ALG13: variants seen among roughly 807,000 people sequenced by gnomAD.
ALG13 encodes the protein ALG13 UDP-N-acetylglucosaminyltransferase subunit, also known as UDP-N-acetylglucosamine transferase subunit ALG13.
In ALG13, 11 loss-of-function variants were observed where a neutral mutation model predicts 87.8. That is an observed-to-expected ratio of 0.13 (90% CI 0.08 to 0.21). The LOEUF is 0.21. Ranked by LOEUF, ALG13 falls within the 10% of genes least tolerant of loss-of-function variation. The probability of loss-of-function intolerance (pLI) is 1.00; values close to 1 mark genes in which losing one functional copy is unlikely to be tolerated. For synonymous variants in ALG13, 320 were observed against 306.3 expected, an observed-to-expected ratio of 1.04 and a Z score of -0.47; for missense variants, 756 against 866.1, an observed-to-expected ratio of 0.87 and a Z score of 1.60.
intron 2 of ALG13, among the ~76,000 whole-genome samples, chrX:111,683,868 A>C (rs1430534858): frequency 9.0e-6 from 1 of 111,698 alleles, no homozygotes; most frequent in Non-Finnish European, 1.9e-5. Context: ...GTTTTTCATT[A>C]TTGATGCCTG....
At chrX:111,712,433 C>T in intron 6 of ALG13, 51 bp from the exon 7 acceptor site, 1 of 879,176 alleles carries the variant, frequency 1.1e-6, no homozygotes, top group Non-Finnish European at 1.6e-6. Flanking sequence ...GAAAAAACTA[C>T]CTCCTAGCTA....
chrX:111,757,934 C>T (rs1476120462), intron 26 of ALG13, among the ~76,000 whole-genome samples, 172 bp downstream of exon 26: 1 of 111,601 alleles, frequency 9.0e-6, no homozygotes, highest in Non-Finnish European at 1.9e-5. Context: ...TTCATGAGGT[C>T]AGAAGTGTTC....
rs749060286 is a variant in ALG13 at position 111,750,065 on chromosome X, C to G, written c.2933-2725C>G. Among the ~76,000 whole-genome samples, 40 of 111,933 alleles carry G rather than the reference C, an allele frequency of 3.6e-4. No homozygotes were observed. The South Asian group carries it at 0.014, about 39-fold the overall frequency. Reference sequence around the variant, plus strand: ...TTTATGACTTTCCACAATCTAGTCTCTATTCCAACCTTATCTCTTTCTACT... The same window carrying G: ...TTTATGACTTTCCACAATCTAGTCTGTATTCCAACCTTATCTCTTTCTACT... On this transcript the variant is annotated intron_variant, in intron 24 of 26. Coordinates refer to ENST00000394780, the MANE Select transcript of ALG13 (RefSeq NM_001099922.3).
intron 8 of ALG13, among the ~76,000 whole-genome samples, chrX:111,716,617 G>A (rs1237069023): frequency 8.9e-6 from 1 of 112,122 alleles, no homozygotes; most frequent in Non-Finnish European, 1.9e-5. Flanking sequence ...TTTACTGTGA[G>A]TTACTTAAGC....
chrX:111,739,211 A>G (rs1018789382), intron 23 of ALG13, among the ~76,000 whole-genome samples: 6 of 111,558 alleles, frequency 5.4e-5, no homozygotes, highest in African/African-American at 2.0e-4. Flanking sequence ...GAGAGAGAGA[A>G]AGACCAGGAG....
At chrX:111,721,775 T>C (rs1306415434) in intron 12 of ALG13, 64 bp downstream of exon 12, 2 of 633,043 alleles carry the variant, frequency 3.2e-6, no homozygotes, top group Non-Finnish European at 5.0e-6. Flanking sequence ...TTTTGCAAAT[T>C]ATGGTGAACA....
At chrX:111,704,375 T>G (rs1041003490) in intron 3 of ALG13, among the ~76,000 whole-genome samples, 9 of 111,459 alleles carry the variant, frequency 8.1e-5, no homozygotes, top group African/African-American at 2.6e-4. Context: ...ATTGAAAACA[T>G]AAGTCTAAAC....
intron 25 of ALG13, among the ~76,000 whole-genome samples, chrX:111,755,659 C>A (rs912065907): frequency 1.8e-5 from 2 of 112,356 alleles, no homozygotes; most frequent in African/African-American, 3.2e-5. Flanking sequence ...ATGTGGCCAA[C>A]AAACAGGAAG....
At chrX:111,704,223 A>G (rs1367711028) in intron 3 of ALG13, among the ~76,000 whole-genome samples, 1 of 111,664 alleles carries the variant, frequency 9.0e-6, no homozygotes, top group Non-Finnish European at 1.9e-5. Context: ...GTTGATAAGA[A>G]TCTAGAGAAA....
intron 8 of ALG13, among the ~76,000 whole-genome samples, chrX:111,714,937 A>T (rs986637750): frequency 9.0e-6 from 1 of 111,717 alleles, no homozygotes; most frequent in South Asian, 3.7e-4. Context: ...CTTGAGATGA[A>T]ATTTGGATCT....
In ALG13 at chrX:111,727,679, C is replaced by T; in HGVS notation, c.2156C>T (p.Pro719Leu). The T allele has an allele frequency of 1.7e-6, 2 of 1,209,754 alleles. No homozygotes were observed. Among genetic ancestry groups the T allele is most frequent in the South Asian group, 1.8e-5 (1 of 56,486 alleles). ...VNKESQYGFT[P>L]GNGQMPRGLE... ...AAGGAGTCCCAGTATGGATTTACCC[C>T]AGGGAATGGACAGATGCCCAGGGGC... is the stretch of plus-strand genomic sequence containing the variant. Residue 719 changes from proline to leucine, a missense_variant, in exon 18 of 27, where the codon CCA (proline) becomes CTA (leucine). This residue lies in a region of ALG13 where 362 missense variants were observed against 383.5 expected (regional missense o/e 0.94). Transcript: ENST00000394780.
intron 3 of ALG13, 108 bp from the exon 4 acceptor site, chrX:111,707,919 C>CA: frequency 1.1e-6 from 1 of 899,760 alleles, no homozygotes; most frequent in Admixed American, 3.8e-5. Context: ...TAATTCCACT[C>CA]TTTCCCAAGG....
chrX:111,749,448 G>C (rs917884422), intron 24 of ALG13, among the ~76,000 whole-genome samples: 7 of 109,301 alleles, frequency 6.4e-5, no homozygotes, highest in African/African-American at 2.3e-4. Flanking sequence ...TTTTTAGTAA[G>C]GTTTGAAGTA....
chrX:111,736,894 GA>G lies in ALG13; in HGVS notation c.2695+16del. 2.5e-6 allele frequency: 3 copies of G among 1,183,479 alleles called. No individual in the cohort carries two copies. The highest frequency in any genetic ancestry group is 3.4e-6 in the Non-Finnish European group (3 of 879,706). The stretch of plus-strand genomic sequence containing the variant: ...CGGCAGGCCAGGTAGGTTATTAGCA[GA>G]TGCTTACTTTGGAAGCCTCTTTTCC... On this transcript the variant is annotated intron_variant, in intron 23 of 26. Transcript: ENST00000394780.
At chrX:111,698,825 G>T (rs1258800376) in intron 3 of ALG13, among the ~76,000 whole-genome samples, 1 of 111,256 alleles carries the variant, frequency 9.0e-6, no homozygotes, top group Admixed American at 9.6e-5. Flanking sequence ...ATGAACACGG[G>T]AGTGCAGGTA....
At chrX:111,752,746 C>T (rs1944873738) in intron 24 of ALG13, 44 bp from the exon 25 acceptor site, 1 of 980,642 alleles carries the variant, frequency 1.0e-6, no homozygotes. Context: ...ATTCTAATTG[C>T]TTATGTCAGT....
At chrX:111,709,429 G>A (rs1299687663) in intron 5 of ALG13, among the ~76,000 whole-genome samples, 3 of 111,967 alleles carry the variant, frequency 2.7e-5, no homozygotes, top group Admixed American at 1.9e-4. Context: ...TTTAAAATAC[G>A]TAAAAATGGG....
intron 3 of ALG13, among the ~76,000 whole-genome samples, chrX:111,705,418 G>A (rs905313248): frequency 2.7e-5 from 3 of 111,394 alleles, no homozygotes; most frequent in African/African-American, 9.8e-5. Context: ...TTTTATTCCA[G>A]TCTATGGCTT....
intron 24 of ALG13, among the ~76,000 whole-genome samples, chrX:111,751,578 A>G (rs1944750194): frequency 8.9e-6 from 1 of 111,978 alleles, no homozygotes; most frequent in African/African-American, 3.2e-5. Context: ...GTTTGTGTAT[A>G]CAAGTTATTT....
Sources: gnomAD v4.1 joint callset for allele counts (sites outside exome capture counted in the v4.1 genomes callset) on GRCh38, gnomAD v4.1.1 for gene constraint, gnomAD v4.1.1 regional missense constraint, MANE v1.5 for transcripts, NCBI Gene and HGNC (gene_info 2026-07-23, HGNC 2026-07-21) for gene names.